ADAMTS17: variants seen among roughly 807,000 people sequenced by gnomAD.
ADAMTS17 encodes the protein ADAM metallopeptidase with thrombospondin type 1 motif 17, also known as A disintegrin and metalloproteinase with thrombospondin motifs 17.
Under a neutral mutation model 141.5 loss-of-function variants are expected in ADAMTS17, and 113 were observed. The ratio of observed to expected loss-of-function variants is 0.80; its 90% confidence interval spans 0.69 to 0.93. ADAMTS17 has a LOEUF of 0.93. ADAMTS17 is among the 40% of genes least tolerant of loss of function. The probability of loss-of-function intolerance (pLI) is 0.00; values close to 1 mark genes in which losing one functional copy is unlikely to be tolerated. For missense variants in ADAMTS17, 1,659 were observed against 1,517.9 expected, an observed-to-expected ratio of 1.09 and a Z score of -1.54; for synonymous variants, 768 against 630.6, an observed-to-expected ratio of 1.22 and a Z score of -3.27.
In ADAMTS17 at chr15:100,152,650, G is replaced by C. The variant is rs773283711; in HGVS notation, c.1435C>G (p.Leu479Val). 9.3e-6 allele frequency: 15 copies of C among 1,614,160 alleles called. No individual in the cohort carries two copies. The highest frequency in any genetic ancestry group is 1.3e-5 in the Non-Finnish European group (15 of 1,180,038). Residue 479 changes from leucine to valine, a missense_variant, in exon 10 of 22, where the codon CTG (leucine) becomes GTG (valine). Physicochemically the swap from Leu to Val is conservative, Grantham distance 32. Transcript: ENST00000268070. ...HYSANEQCQI[L>V]FGMNATFCRN... Reference sequence around the variant, plus strand: ...CAGAAGGTGGCATTCATGCCAAACAGGATCTGGCACTGCTCGTTGGCACTG... The same window carrying C: ...CAGAAGGTGGCATTCATGCCAAACACGATCTGGCACTGCTCGTTGGCACTG...
chr15:100,116,738 T>C, intron 13 of ADAMTS17, 109 bp downstream of exon 13: 2 of 1,492,916 alleles, frequency 1.3e-6, no homozygotes, highest in South Asian at 2.3e-5. Flanking sequence ...CTGGAGTGTC[T>C]TGCTGGGTTG....
intron 14 of ADAMTS17, among the ~76,000 whole-genome samples, chr15:100,104,033 C>A: frequency 6.6e-6 from 1 of 152,148 alleles, no homozygotes; most frequent in Admixed American, 6.5e-5. Context: ...AATTATGGTA[C>A]CAAGGAAGTA....
At chr15:99,979,666 G>C (rs2060443071) in intron 20 of ADAMTS17, 1 of 152,208 alleles carries the variant, frequency 6.6e-6, no homozygotes, top group Admixed American at 6.5e-5. Flanking sequence ...GCGACTCAAA[G>C]TGGAGCTGGT....
intron 15 of ADAMTS17, among the ~76,000 whole-genome samples, chr15:100,086,351 T>A (rs891018104): frequency 3.3e-5 from 5 of 150,232 alleles, no homozygotes; most frequent in Admixed American, 6.6e-5. Flanking sequence ...ATAAAGCAAG[T>A]CCTTAGTGAC....
chr15:100,118,711 G>A (rs556334906), intron 12 of ADAMTS17, among the ~76,000 whole-genome samples: 6 of 152,150 alleles, frequency 3.9e-5, no homozygotes, highest in Non-Finnish European at 7.3e-5. Flanking sequence ...CACGGAACAC[G>A]GCATGGAAGG....
chr15:100,189,830 C>T (rs553342470), intron 8 of ADAMTS17, among the ~76,000 whole-genome samples: 39 of 152,348 alleles, frequency 2.6e-4, no homozygotes, highest in African/African-American at 6.3e-4. Flanking sequence ...TCTGGGAAAG[C>T]CGTGGCCAAG....
intron 8 of ADAMTS17, among the ~76,000 whole-genome samples, chr15:100,190,297 AC>A (rs1300364068): frequency 6.6e-6 from 1 of 151,992 alleles, no homozygotes; most frequent in Non-Finnish European, 1.5e-5. Flanking sequence ...GCTCTCCCAG[AC>A]CCCCCAGCCC....
intron 13 of ADAMTS17, among the ~76,000 whole-genome samples, chr15:100,110,250 T>A (rs982449103): frequency 2.4e-4 from 35 of 144,944 alleles, no homozygotes; most frequent in African/African-American, 6.5e-4. Flanking sequence ...TATATATATA[T>A]AAATACATAT....
At chr15:100,009,775 T>A (rs777979563) in intron 18 of ADAMTS17, among the ~76,000 whole-genome samples, 2 of 152,196 alleles carry the variant, frequency 1.3e-5, no homozygotes, top group Non-Finnish European at 2.9e-5. Context: ...ATGGTCACAT[T>A]CATCTTAATT....
chr15:100,237,631 T>C (rs1489448160), intron 7 of ADAMTS17, among the ~76,000 whole-genome samples: 2 of 152,170 alleles, frequency 1.3e-5, no homozygotes, highest in Admixed American at 6.5e-5. Flanking sequence ...TTTTTTGTTT[T>C]TGTTTTTTTT....
At chr15:100,100,527 C>CAG (rs2036032576) in intron 14 of ADAMTS17, among the ~76,000 whole-genome samples, 1 of 152,180 alleles carries the variant, frequency 6.6e-6, no homozygotes, top group African/African-American at 2.4e-5. Flanking sequence ...CTGCCACTGT[C>CAG]TTGGAACTGA....
intron 3 of ADAMTS17, among the ~76,000 whole-genome samples, chr15:100,288,906 A>T (rs981439566): frequency 6.6e-6 from 1 of 152,226 alleles, no homozygotes; most frequent in Non-Finnish European, 1.5e-5. Context: ...AGTCAGAAAG[A>T]TATGAAATTA....
intron 6 of ADAMTS17, among the ~76,000 whole-genome samples, chr15:100,255,543 T>C (rs1317534819): frequency 6.6e-6 from 1 of 150,842 alleles, no homozygotes; most frequent in East Asian, 2.0e-4. Context: ...GAGCCATGGG[T>C]GTGCTCACTG....
intron 18 of ADAMTS17, among the ~76,000 whole-genome samples, chr15:100,026,691 C>T (rs2061521254): frequency 6.6e-6 from 1 of 152,210 alleles, no homozygotes; most frequent in African/African-American, 2.4e-5. Context: ...CTGCCCGAGG[C>T]ACAGGCATGG....
intron 8 of ADAMTS17, among the ~76,000 whole-genome samples, chr15:100,190,895 A>C (rs1159725710): frequency 6.6e-6 from 1 of 152,326 alleles, no homozygotes; most frequent in Non-Finnish European, 1.5e-5. Flanking sequence ...TCACGTGTGG[A>C]AAGAGCACTG....
chr15:100,250,639 C>T (rs1463861865), intron 7 of ADAMTS17, among the ~76,000 whole-genome samples: 1 of 152,084 alleles, frequency 6.6e-6, no homozygotes, highest in Non-Finnish European at 1.5e-5. Flanking sequence ...GGTGGATGGA[C>T]AAAGCTGCCC....
At chr15:100,199,464 G>C (rs1361231785) in intron 7 of ADAMTS17, 41 bp from the exon 8 acceptor site, 3 of 1,576,886 alleles carry the variant, frequency 1.9e-6, no homozygotes, top group East Asian at 2.2e-5. Flanking sequence ...CAGAACGTGG[G>C]AGGCCCTGGT....
At chr15:100,107,510 C>G (rs1289976470) in intron 14 of ADAMTS17, among the ~76,000 whole-genome samples, 1 of 152,124 alleles carries the variant, frequency 6.6e-6, no homozygotes, top group East Asian at 1.9e-4. Flanking sequence ...AGAGCGCTCC[C>G]TGGGTGCTGT....
At chr15:100,322,669 T>C (rs1269256873) in intron 3 of ADAMTS17, among the ~76,000 whole-genome samples, 1 of 152,226 alleles carries the variant, frequency 6.6e-6, no homozygotes, top group South Asian at 2.1e-4. Flanking sequence ...ATTACCATAA[T>C]GCTCAAGGAC....
Sources: allele counts gnomAD v4.1 joint callset (sites outside exome capture counted in the v4.1 genomes callset), GRCh38; gene constraint gnomAD v4.1.1; transcripts MANE v1.5; gene names NCBI Gene and HGNC (gene_info 2026-07-23, HGNC 2026-07-21).